RANBP2: variants seen among roughly 807,000 people sequenced by gnomAD.
The protein encoded by RANBP2 is RAN binding protein 2, also known as E3 SUMO-protein ligase RanBP2.
In RANBP2, 57 loss-of-function variants were observed where a neutral mutation model predicts 303.6. That is an observed-to-expected ratio of 0.19 (90% CI 0.15 to 0.23). The LOEUF (loss-of-function observed/expected upper bound fraction) is 0.23. Ranked by LOEUF, RANBP2 falls within the 10% of genes least tolerant of loss-of-function variation. The pLI is 1.00. For missense variants in RANBP2, 3,138 were observed against 3,780.8 expected (o/e 0.83, Z 4.46); for synonymous variants, 1,167 against 1,301.5 (o/e 0.90, Z 2.23).
chr2:108,786,871 A>C, downstream of RANBP2: 3 of 1,579,892 alleles, frequency 1.9e-6, no homozygotes, highest in African/African-American at 2.8e-5. Context: ...AGTAGTGGAG[A>C]GTCTCAAAAG....
At chr2:108,920,604 A>C in the RANBP2 span, among the ~76,000 whole-genome samples, 1 of 152,174 alleles carries the variant, frequency 6.6e-6, no homozygotes, top group Admixed American at 6.5e-5. Context: ...AGTATGTTCC[A>C]ATCCAAGGTG....
the RANBP2 span, among the ~76,000 whole-genome samples, chr2:109,231,598 A>G: frequency 6.6e-6 from 1 of 152,164 alleles, no homozygotes; most frequent in African/African-American, 2.4e-5. Context: ...CTTTCCACCT[A>G]CTAGTTAAGT....
chr2:109,615,286 C>T, the RANBP2 span: 1 of 1,593,332 alleles, frequency 6.3e-7, no homozygotes, highest in Non-Finnish European at 8.5e-7. Context: ...ACGCTGGACC[C>T]CCTGGAGCAC....
chr2:109,291,188 T>C, the RANBP2 span, among the ~76,000 whole-genome samples: 1 of 152,098 alleles, frequency 6.6e-6, no homozygotes, highest in Admixed American at 6.5e-5. Context: ...CCATCTCACA[T>C]GATTCCTTTG....
At chr2:108,918,620 G>A in the RANBP2 span, among the ~76,000 whole-genome samples, 1 of 152,218 alleles carries the variant, frequency 6.6e-6, no homozygotes, top group African/African-American at 2.4e-5. Flanking sequence ...CTCGCGTGGA[G>A]TTCGAGGCAG....
chr2:109,250,090 CTTTT>C, the RANBP2 span, among the ~76,000 whole-genome samples: 1 of 134,928 alleles, frequency 7.4e-6, no homozygotes, highest in Non-Finnish European at 1.6e-5. Flanking sequence ...GTAGGTGTTC[CTTTT>C]TTTTTTTTTT....
the RANBP2 span, among the ~76,000 whole-genome samples, chr2:108,984,023 C>T: frequency 6.6e-6 from 1 of 152,352 alleles, no homozygotes; most frequent in East Asian, 1.9e-4. Flanking sequence ...AGTGTTCTTT[C>T]TCTGCACAAC....
the RANBP2 span, among the ~76,000 whole-genome samples, chr2:109,023,966 C>G: frequency 3.3e-4 from 50 of 152,042 alleles, no homozygotes; most frequent in Non-Finnish European, 6.0e-4. Flanking sequence ...ACTCTTGTTG[C>G]TCAGGCTGGA....
At chr2:109,291,228 G>A in the RANBP2 span, among the ~76,000 whole-genome samples, 1 of 151,834 alleles carries the variant, frequency 6.6e-6, no homozygotes, top group Non-Finnish European at 1.5e-5. Flanking sequence ...ATGGAGAAAT[G>A]CCAGAAAGCA....
chr2:108,964,346 G>A, the RANBP2 span, among the ~76,000 whole-genome samples: 1 of 152,150 alleles, frequency 6.6e-6, no homozygotes, highest in Non-Finnish European at 1.5e-5. Context: ...TCAAGTCTCA[G>A]TCTCTGCCAC....
chr2:108,826,790 G>T, the RANBP2 span, among the ~76,000 whole-genome samples: 1 of 152,244 alleles, frequency 6.6e-6, no homozygotes, highest in South Asian at 2.1e-4. Flanking sequence ...AACCAGCTGG[G>T]ATTTTGATTA....
At chr2:109,392,836 G>A in the RANBP2 span, among the ~76,000 whole-genome samples, 2 of 152,160 alleles carry the variant, frequency 1.3e-5, no homozygotes, top group African/African-American at 4.8e-5. Context: ...TACTAGCTTA[G>A]TCACTGGCAA....
chr2:109,039,878 CTA>C, the RANBP2 span, among the ~76,000 whole-genome samples: 1 of 152,018 alleles, frequency 6.6e-6, no homozygotes, highest in African/African-American at 2.4e-5. Flanking sequence ...TGTATGATCT[CTA>C]TGCAGTGATA....
chr2:109,352,636 G>C, the RANBP2 span, among the ~76,000 whole-genome samples: 1 of 152,304 alleles, frequency 6.6e-6, no homozygotes, highest in Admixed American at 6.5e-5. Flanking sequence ...CCCCGCTTGG[G>C]CTACTTTACC....
intron 12 of RANBP2, among the ~76,000 whole-genome samples, chr2:108,752,555 A>G (rs1422744745): frequency 6.7e-6 from 1 of 150,344 alleles, no homozygotes; most frequent in East Asian, 2.0e-4. Context: ...GGCAGATCAC[A>G]AGGTCAGGAG....
the RANBP2 span, among the ~76,000 whole-genome samples, chr2:109,243,526 G>A: frequency 6.6e-6 from 1 of 152,176 alleles, no homozygotes; most frequent in African/African-American, 2.4e-5. Flanking sequence ...AGATGGGGCA[G>A]GTGACATACA....
chr2:109,165,788 C>T, the RANBP2 span, among the ~76,000 whole-genome samples: 1 of 152,130 alleles, frequency 6.6e-6, no homozygotes, highest in Non-Finnish European at 1.5e-5. Flanking sequence ...CATCATTTAG[C>T]ATGAGTGTGT....
the RANBP2 span, among the ~76,000 whole-genome samples, chr2:109,019,603 C>T: frequency 1.1e-4 from 16 of 152,240 alleles, no homozygotes; most frequent in African/African-American, 3.1e-4. Context: ...CTTAAGCGAC[C>T]GCTTAAGATT....
At chr2:109,109,401 T>C in the RANBP2 span, among the ~76,000 whole-genome samples, 1 of 152,238 alleles carries the variant, frequency 6.6e-6, no homozygotes, top group Non-Finnish European at 1.5e-5. Flanking sequence ...GTGGGAGTTC[T>C]AGCTGTGAAT....
Sources: allele counts gnomAD v4.1 joint callset (sites outside exome capture counted in the v4.1 genomes callset), GRCh38; gene constraint gnomAD v4.1.1; transcripts MANE v1.5; gene names NCBI Gene and HGNC (gene_info 2026-07-23, HGNC 2026-07-21).